Variants in SNX29 observed in about 807,000 individuals in gnomAD.
The protein encoded by SNX29 is sorting nexin-29.
In SNX29, 78 loss-of-function variants were observed where a neutral mutation model predicts 102.1. The observed-to-expected ratio is 0.76, with a 90% CI of 0.64 to 0.92. The LOEUF is 0.92. SNX29 is among the 40% of genes least tolerant of loss of function. SNX29 has a pLI of 0.00. For missense variants in SNX29, 1,280 were observed against 1,061.7 expected (o/e 1.21, Z -2.86); for synonymous variants, 580 against 414.5 (o/e 1.40, Z -4.85).
intron 3 of SNX29, among the ~76,000 whole-genome samples, chr16:12,022,894 C>CTTT: frequency 7.3e-6 from 1 of 136,908 alleles, no homozygotes; most frequent in East Asian, 2.0e-4. Context: ...GTACCTTATT[C>CTTT]CTTTTTTTTT....
chr16:12,538,219 C>T (rs919751595), intron 20 of SNX29, among the ~76,000 whole-genome samples: 18 of 152,170 alleles, frequency 1.2e-4, no homozygotes, highest in Middle Eastern at 3.4e-3. Context: ...GGGTTCATGC[C>T]ATTCTTGTGC....
At chr16:12,489,888 C>T (rs898054280) in intron 19 of SNX29, among the ~76,000 whole-genome samples, 4 of 152,172 alleles carry the variant, frequency 2.6e-5, no homozygotes, top group Non-Finnish European at 4.4e-5. Context: ...TCACCGCAAC[C>T]TCTACCTCCT....
At position 12,571,041 on chromosome 16, in the gene SNX29, C is replaced by A. The variant is rs1246497464; in HGVS notation, c.*2412C>A. On this transcript the variant is annotated 3_prime_UTR_variant, in exon 21 of 21. Transcript: ENST00000566228. ...CTCGCAGATCCAGACCATCTCCTCT[C>A]ATTCTCACTCTAAAAATGCTGGTGG... 1 of 232,732 alleles carries A rather than the reference C, an allele frequency of 4.3e-6. No homozygotes were observed. Among genetic ancestry groups the A allele is most frequent in the Non-Finnish European group, 8.5e-6 (1 of 117,778 alleles). 14.4% of individuals were successfully genotyped at this position (232,732 alleles called of 1,614,324 possible). A position where few individuals can be genotyped will look rare whatever the true frequency, so the allele number is the denominator to read the frequency against.
chr16:12,348,302 G>GA (rs923400290), intron 15 of SNX29, among the ~76,000 whole-genome samples: 1 of 152,160 alleles, frequency 6.6e-6, no homozygotes, highest in African/African-American at 2.4e-5. Flanking sequence ...ACCTGAAGCA[G>GA]AAACCATTTT....
At chr16:12,139,222 A>AAAG (rs2054777753) in intron 13 of SNX29, among the ~76,000 whole-genome samples, 2 of 140,414 alleles carry the variant, frequency 1.4e-5, no homozygotes, top group African/African-American at 5.2e-5. Flanking sequence ...AAAAAAAAAA[A>AAAG]GGGAGGAAGG....
chr16:12,094,105 G>A (rs368324751), intron 11 of SNX29, among the ~76,000 whole-genome samples: 1 of 152,176 alleles, frequency 6.6e-6, no homozygotes, highest in African/African-American at 2.4e-5. Flanking sequence ...TAAGCTAACT[G>A]TGCCTCAGCG....
At chr16:12,178,474 C>G (rs1419999288) in intron 13 of SNX29, among the ~76,000 whole-genome samples, 2 of 152,204 alleles carry the variant, frequency 1.3e-5, no homozygotes, top group African/African-American at 4.8e-5. Flanking sequence ...TTTCGCAAAA[C>G]CAGCCTGGCT....
At chr16:12,560,703 G>T (rs553425294) in intron 20 of SNX29, 30 of 162,878 alleles carry the variant, frequency 1.8e-4, no homozygotes, top group African/African-American at 2.4e-5. Flanking sequence ...CATCGACTCT[G>T]GGCTCAGAGT....
chr16:12,156,219 G>C (rs2055543729), intron 13 of SNX29, among the ~76,000 whole-genome samples: 1 of 152,172 alleles, frequency 6.6e-6, no homozygotes, highest in Non-Finnish European at 1.5e-5. Flanking sequence ...TGTCGCCCAG[G>C]CTGGAGTGCA....
At chr16:12,411,874 C>T (rs908348778) in intron 18 of SNX29, among the ~76,000 whole-genome samples, 2 of 152,212 alleles carry the variant, frequency 1.3e-5, no homozygotes, top group African/African-American at 4.8e-5. Context: ...ATCTGATAAC[C>T]ACTTGACTTG....
rs921674552 is a variant in SNX29 at position 12,509,082 on chromosome 16, G to C, written c.2179-15620G>C. Among the ~76,000 whole-genome samples the C allele has an allele frequency of 3.4e-4, 51 of 152,200 alleles. 1 individual carries two copies. The highest frequency in any genetic ancestry group is 3.9e-4 in the Admixed American group (6 of 15,288). On this transcript the variant is annotated intron_variant, in intron 19 of 20. Coordinates refer to ENST00000566228, the MANE Select transcript of SNX29 (RefSeq NM_032167.5). The stretch of plus-strand genomic sequence containing the variant: ...TCTGCCCACTGAGACATTTCAGCCT[G>C]TGGCCTCTGCAGTGAAGAATTTATG...
chr16:12,509,996 A>C (rs921356584), intron 19 of SNX29, among the ~76,000 whole-genome samples: 2 of 152,222 alleles, frequency 1.3e-5, no homozygotes, highest in African/African-American at 4.8e-5. Context: ...ACTTCATGGC[A>C]TTGTGCCGTA....
At chr16:12,104,438 C>T (rs1049347588) in intron 11 of SNX29, among the ~76,000 whole-genome samples, 2 of 152,092 alleles carry the variant, frequency 1.3e-5, no homozygotes, top group Non-Finnish European at 2.9e-5. Context: ...TGCCTGTAAT[C>T]CCAGCTATAC....
chr16:12,435,305 C>A (rs2085488082), intron 18 of SNX29, among the ~76,000 whole-genome samples: 1 of 152,204 alleles, frequency 6.6e-6, no homozygotes, highest in Non-Finnish European at 1.5e-5. Flanking sequence ...GGACACACTT[C>A]TGCCTTACAA....
At chr16:12,506,273 T>A (rs1439532584) in intron 19 of SNX29, among the ~76,000 whole-genome samples, 1 of 152,128 alleles carries the variant, frequency 6.6e-6, no homozygotes, top group Non-Finnish European at 1.5e-5. Flanking sequence ...GTGTGTCCAT[T>A]CTCAAACCAA....
Position 12,541,806 on chromosome 16 carries a change from C to G in SNX29, c.2318+16965C>G, listed in dbSNP as rs185418069. 7.2e-5 allele frequency among the ~76,000 whole-genome samples: 11 copies of G among 152,208 alleles called. No homozygotes were observed. In the South Asian group the frequency reaches 1.2e-3, roughly 17 times the overall value. ...CCCTGGAATGGAAAGGTTCAGAGGG[C>G]AGGAACCAAGCTCGCCTCTTCCCCT... On this transcript the variant is annotated intron_variant, in intron 20 of 20. Transcript: ENST00000566228.
At chr16:12,070,919 G>C (rs1043721959) in intron 10 of SNX29, among the ~76,000 whole-genome samples, 84 of 152,246 alleles carry the variant, frequency 5.5e-4, no homozygotes, top group Non-Finnish European at 9.1e-4. Context: ...TTCTCTGATG[G>C]CCAGCGATGA....
chr16:12,398,605 A>T, intron 17 of SNX29, 104 bp downstream of exon 17: 1 of 1,320,610 alleles, frequency 7.6e-7, no homozygotes, highest in Non-Finnish European at 1.1e-6. Context: ...CACTGTTGAG[A>T]CCCACACAAG....
At chr16:12,193,990 A>G (rs940539913) in intron 13 of SNX29, among the ~76,000 whole-genome samples, 2 of 152,310 alleles carry the variant, frequency 1.3e-5, no homozygotes, top group South Asian at 2.1e-4. Context: ...GTCTTTCCAT[A>G]TGAATGTTAC....
Sources: allele counts gnomAD v4.1 joint callset (sites outside exome capture counted in the v4.1 genomes callset), GRCh38; gene constraint gnomAD v4.1.1; transcripts MANE v1.5; gene names NCBI Gene and HGNC (gene_info 2026-07-23, HGNC 2026-07-21).